MBD5: variants seen among roughly 807,000 people sequenced by gnomAD.
The protein encoded by MBD5 is methyl-CpG binding domain protein 5.
A neutral mutation model predicts 117.3 loss-of-function variants in MBD5; 13 were observed. The observed-to-expected ratio is 0.11, with a 90% CI of 0.07 to 0.18. The LOEUF is 0.18. Ranked by LOEUF, MBD5 falls within the 10% of genes least tolerant of loss-of-function variation. The pLI is 1.00. For synonymous variants in MBD5, 727 were observed against 766.4 expected (o/e 0.95, Z 0.85); for missense variants, 1,879 against 2,093.8 (o/e 0.90, Z 2.00).
At position 148,444,118 on chromosome 2, in the gene MBD5, T is replaced by TTGA. The variant is rs1458830573; in HGVS notation, c.-556-14083_-556-14081dup. Among the ~76,000 whole-genome samples, 7 of 129,024 alleles carry TTGA rather than the reference T, an allele frequency of 5.4e-5. 1 individual carries two copies. Among genetic ancestry groups the TTGA allele is most frequent in the African/African-American group, 2.3e-4 (7 of 29,934 alleles). The allele number at this position is 129,024 out of a possible 152,430, so 84.6% of individuals were successfully genotyped here. On this transcript the variant is annotated intron_variant, in intron 4 of 13. Transcript: ENST00000642680. ...AAGTGTTCAGTGCAGTTCCTGGAAG[T>TTGA]TGATAAGTGGAAATATTATTTATTC...
At chr2:148,376,033 C>T (rs1361584833) in intron 4 of MBD5, among the ~76,000 whole-genome samples, 1 of 150,658 alleles carries the variant, frequency 6.6e-6, no homozygotes, top group East Asian at 1.9e-4. Context: ...TTAGCAGCAT[C>T]CCTGGCCTCT....
At chr2:148,362,696 C>T (rs1279348881) in intron 4 of MBD5, among the ~76,000 whole-genome samples, 2 of 152,208 alleles carry the variant, frequency 1.3e-5, no homozygotes, top group African/African-American at 2.4e-5. Flanking sequence ...GACTGGGAGA[C>T]ACTTCCCAGC....
intron 5 of MBD5, 95 bp from the exon 6 acceptor site, chr2:148,462,487 C>T (rs1574451643): frequency 1.2e-6 from 1 of 803,140 alleles, no homozygotes; most frequent in East Asian, 2.6e-5. Flanking sequence ...GGAAAATATC[C>T]CATAAAGGAC....
At chr2:148,196,493 A>T (rs937927931) in intron 2 of MBD5, among the ~76,000 whole-genome samples, 6 of 152,334 alleles carry the variant, frequency 3.9e-5, no homozygotes, top group African/African-American at 1.4e-4. Flanking sequence ...TTGGTATTAA[A>T]AGAATCAATC....
intron 2 of MBD5, among the ~76,000 whole-genome samples, chr2:148,197,587 A>G (rs1232299274): frequency 6.6e-6 from 1 of 152,084 alleles, no homozygotes; most frequent in East Asian, 1.9e-4. Context: ...ATTCCATGGA[A>G]CTTAACTTGG....
intron 1 of MBD5, among the ~76,000 whole-genome samples, chr2:148,074,499 T>G (rs760583255): frequency 0.021 from 2,079 of 97,516 alleles, 33 homozygotes; most frequent in Middle Eastern, 0.078. Context: ...TTTTTTGTTT[T>G]TTTTTTTGTT....
chr2:148,476,544 A>G (rs1038010581), intron 8 of MBD5, among the ~76,000 whole-genome samples: 3 of 152,236 alleles, frequency 2.0e-5, no homozygotes, highest in Non-Finnish European at 4.4e-5. Flanking sequence ...ATAAGCTAAC[A>G]GAAAGAGCTT....
intron 1 of MBD5, among the ~76,000 whole-genome samples, chr2:148,132,091 G>T (rs753261545): frequency 6.6e-6 from 1 of 152,066 alleles, no homozygotes; most frequent in African/African-American, 2.4e-5. Context: ...CTATTAAAAT[G>T]AGAATAATTA....
chr2:148,056,814 T>C (rs1694878154), intron 1 of MBD5, among the ~76,000 whole-genome samples: 1 of 151,960 alleles, frequency 6.6e-6, no homozygotes, highest in Non-Finnish European at 1.5e-5. Context: ...ATTGTGTTTC[T>C]TGAATGCATA....
At chr2:148,209,301 G>A (rs1229828877) in intron 2 of MBD5, among the ~76,000 whole-genome samples, 1 of 152,014 alleles carries the variant, frequency 6.6e-6, no homozygotes, top group Admixed American at 6.6e-5. Context: ...AATGTTACGA[G>A]GTGGGACTTT....
At chr2:148,332,666 T>G (rs900452748) in intron 3 of MBD5, among the ~76,000 whole-genome samples, 1 of 152,162 alleles carries the variant, frequency 6.6e-6, no homozygotes, top group Non-Finnish European at 1.5e-5. Flanking sequence ...AAAGATAGTC[T>G]GATTTCTGTT....
chr2:148,256,681 C>T (rs2084954), intron 3 of MBD5, among the ~76,000 whole-genome samples: 45,803 of 152,170 alleles, frequency 0.3, 7,459 homozygotes, highest in South Asian at 0.43. Context: ...ACTGCAACAG[C>T]GGTCCAAGCA....
At chr2:148,403,523 G>A (rs564502878) in intron 4 of MBD5, among the ~76,000 whole-genome samples, 4 of 152,226 alleles carry the variant, frequency 2.6e-5, no homozygotes, top group Non-Finnish European at 4.4e-5. Context: ...CTAAAAATCT[G>A]TGTCAGTTCT....
Position 148,217,481 on chromosome 2 carries a change from G to A in MBD5, c.-830-15764G>A, listed in dbSNP as rs1021190098. The stretch of plus-strand genomic sequence containing the variant: ...TTGTCTTCCACCTTGGGCTTTGAGC[G>A]CTGGGCAACTGGCCCCTGGGGATCA... On this transcript the variant is annotated intron_variant, in intron 2 of 13. Coordinates refer to ENST00000642680, the MANE Select transcript of MBD5 (RefSeq NM_001378120.1). 3.9e-5 allele frequency among the ~76,000 whole-genome samples: 6 copies of A among 152,180 alleles called. No homozygotes were observed. The East Asian group carries it at 5.8e-4, about 15-fold the overall frequency.
At chr2:148,259,452 G>T (rs917619761) in intron 3 of MBD5, among the ~76,000 whole-genome samples, 1 of 152,178 alleles carries the variant, frequency 6.6e-6, no homozygotes, top group African/African-American at 2.4e-5. Flanking sequence ...CTGCCACCGT[G>T]TATCACAACC....
In MBD5 at chr2:148,469,037, C is replaced by T. The variant is rs794727974; in HGVS notation, c.1094C>T (p.Pro365Leu). Residue 365 changes from proline (P) to leucine (L), a missense_variant, in exon 8 of 14, where the codon CCT becomes CTT. Around this residue, in one of 4 missense-constraint regions of MBD5, gnomAD observed 1,666 missense variants for 1,792.2 expected, o/e 0.93. Transcript: ENST00000642680. The part of the protein sequence containing the change: ...KDPLGILDPI[P>L]SKPVNQNPVI... ...CCACTTGGCATTCTTGACCCTATTC[C>T]TAGTAAACCAGTGAATCAGAACCCT... 6.2e-7 allele frequency: 1 copy of T among 1,613,970 alleles called. No homozygotes were observed. The highest frequency in any genetic ancestry group is 8.5e-7 in the Non-Finnish European group (1 of 1,179,928).
Position 148,345,422 on chromosome 2 carries a change from TATACACATATACATATGTATATACAC to T in MBD5, c.-557+3118_-557+3143del, listed in dbSNP as rs879553783. Reference sequence around the variant, plus strand: ...ATATATACACATATACATATACATATATACACATATACATATGTATATACACATACACATATACATATGTATATACA... The same window carrying T: ...ATATATACACATATACATATACATATATACACATATACATATGTATATACA... On this transcript the variant is annotated intron_variant, in intron 4 of 13. Transcript: ENST00000642680. Among the ~76,000 whole-genome samples the T allele has an allele frequency of 8.4e-3, 1,183 of 140,460 alleles. 37 individuals carry two copies. Among genetic ancestry groups the T allele is most frequent in the Non-Finnish European group, 0.012 (773 of 65,010 alleles). 92.1% of individuals were successfully genotyped at this position (140,460 alleles called of 152,430 possible).
At position 148,342,533 on chromosome 2, in the gene MBD5, A is replaced by T. The variant is rs35177340; in HGVS notation, c.-557+197A>T. Among the ~76,000 whole-genome samples, 38,658 of 151,642 alleles carry T rather than the reference A, an allele frequency of 0.25. 5,366 individuals carry two copies. Among genetic ancestry groups the T allele is most frequent in the South Asian group, 0.34 (1,616 of 4,800 alleles). The stretch of plus-strand genomic sequence containing the variant: ...AATGAATACATGTTTACTATTTTTT[A>T]AAAAAAAGAATGTAATACAGAAAAA... On this transcript the variant is annotated intron_variant, in intron 4 of 13. Transcript: ENST00000642680.
intron 4 of MBD5, among the ~76,000 whole-genome samples, chr2:148,433,022 G>A (rs889893890): frequency 2.6e-5 from 4 of 151,984 alleles, no homozygotes; most frequent in African/African-American, 9.7e-5. Context: ...AAATTTGTCT[G>A]TATTGTCTCT....
Sources: allele counts gnomAD v4.1 joint callset (sites outside exome capture counted in the v4.1 genomes callset), GRCh38; gene constraint gnomAD v4.1.1; regional missense constraint gnomAD v4.1.1; transcripts MANE v1.5; gene names NCBI Gene and HGNC (gene_info 2026-07-23, HGNC 2026-07-21).